The following CDH13 variants were observed in gnomAD, a reference collection of about 807,000 sequenced individuals.
The protein encoded by CDH13 is cadherin-13.
CDH13 carries 24 observed loss-of-function variants against 63.8 expected under a neutral mutation model. The observed-to-expected ratio is 0.38, with a 90% confidence interval of 0.27 to 0.53. The LOEUF (loss-of-function observed/expected upper bound fraction) is 0.53, where lower values mean the gene tolerates loss of function less well. Ranked by LOEUF, CDH13 falls within the 20% of genes least tolerant of loss-of-function variation. CDH13 has a pLI of 0.85. For missense variants in CDH13, 1,049 were observed against 903.1 expected (o/e 1.16, Z -2.07); for synonymous variants, 503 against 355.3 (o/e 1.42, Z -4.67).
At chr16:83,511,484 C>G (rs2074564715) in intron 7 of CDH13, among the ~76,000 whole-genome samples, 1 of 151,620 alleles carries the variant, frequency 6.6e-6, no homozygotes, top group African/African-American at 2.4e-5. Context: ...AAGTTTCATA[C>G]TTTCACTCAC....
intron 3 of CDH13, among the ~76,000 whole-genome samples, chr16:83,094,818 T>C (rs2034113979): frequency 6.6e-6 from 1 of 152,224 alleles, no homozygotes; most frequent in Admixed American, 6.5e-5. Context: ...TACGCAATTT[T>C]TTCCTCTATG....
chr16:83,000,220 C>CTTTTTTTTTTTTTTTTTTTTTTTTTTTTT (rs1567731430), intron 2 of CDH13, among the ~76,000 whole-genome samples: 1 of 33,948 alleles, frequency 2.9e-5, no homozygotes, highest in African/African-American at 1.0e-4. Context: ...ACAGGTTTAG[C>CTTTTTTTTTTTTTTTTTTTTTTTTTTTTT]TTATTTTTTT....
In CDH13 at chr16:82,627,143, G is replaced by A. The variant is rs751851033; in HGVS notation, c.45+6G>A. On this transcript the variant is annotated splice_donor_region_variant and intron_variant, in intron 1 of 13. Transcript: ENST00000567109. Reference sequence around the variant, plus strand: ...TGTGCGTTCTCCTGTCCCAGGTAGGGAAGAGGGGCTGCCGGGCGCGCTCTG... The same window carrying A: ...TGTGCGTTCTCCTGTCCCAGGTAGGAAAGAGGGGCTGCCGGGCGCGCTCTG... 1.3e-5 allele frequency: 21 copies of A among 1,605,156 alleles called. No individual in the cohort carries two copies. The highest frequency in any genetic ancestry group is 8.9e-5 in the South Asian group (8 of 89,402).
rs565713701 is a variant in CDH13, at chr16:83,632,205, C to T, written c.1101+29611C>T. Among the ~76,000 whole-genome samples the T allele has an allele frequency of 1.2e-4, 18 of 151,366 alleles. No homozygotes were observed. In the South Asian group the frequency reaches 3.4e-3, roughly 28 times the overall value. ...TGACTAGAAGGGCTGTTTTTATTTCCCTGAATCCCAGTTCTGTTTCTGAGT... is the reference window on the plus strand; with the variant it reads ...TGACTAGAAGGGCTGTTTTTATTTCTCTGAATCCCAGTTCTGTTTCTGAGT... On this transcript the variant is annotated intron_variant, in intron 8 of 13. Transcript: ENST00000567109.
intron 5 of CDH13, among the ~76,000 whole-genome samples, chr16:83,300,141 G>C (rs1427366973): frequency 6.6e-6 from 1 of 152,172 alleles, no homozygotes; most frequent in Non-Finnish European, 1.5e-5. Flanking sequence ...AGGAAGCTGG[G>C]ATCATTAAAG....
intron 7 of CDH13, among the ~76,000 whole-genome samples, chr16:83,488,719 G>T (rs997775401): frequency 6.6e-6 from 1 of 152,086 alleles, no homozygotes; most frequent in Non-Finnish European, 1.5e-5. Flanking sequence ...CCACTTCCCA[G>T]GTTGAAGCAA....
Position 83,164,103 on chromosome 16 carries a change from C to G in CDH13, c.483+38602C>G, listed in dbSNP as rs776337692. 7.9e-5 allele frequency among the ~76,000 whole-genome samples: 12 copies of G among 152,094 alleles called. 1 individual carries two copies. The highest frequency in any genetic ancestry group is 1.3e-4 in the Non-Finnish European group (9 of 68,020). On this transcript the variant is annotated intron_variant, in intron 4 of 13. Coordinates refer to ENST00000567109, the MANE Select transcript of CDH13 (RefSeq NM_001257.5). ...GGGAAAAAAATGAAAACCCAGCAGC[C>G]TGACTCCAAAGCCCGTGTGCTTATC...
At chr16:83,484,693 CA>C (rs2073847561) in intron 6 of CDH13, among the ~76,000 whole-genome samples, 1 of 152,224 alleles carries the variant, frequency 6.6e-6, no homozygotes, top group African/African-American at 2.4e-5. Flanking sequence ...CCACCATTAC[CA>C]GGGAGAAGTT....
At chr16:83,210,802 A>G (rs1230605355) in intron 4 of CDH13, among the ~76,000 whole-genome samples, 2 of 151,880 alleles carry the variant, frequency 1.3e-5, no homozygotes, top group Non-Finnish European at 2.9e-5. Flanking sequence ...GAAACGCCAC[A>G]GTCACACATG....
chr16:83,578,163 T>G (rs1277039543), intron 7 of CDH13, among the ~76,000 whole-genome samples: 2 of 152,230 alleles, frequency 1.3e-5, no homozygotes, highest in African/African-American at 2.4e-5. Flanking sequence ...CAGAGTATTA[T>G]GAGTTTGTTT....
chr16:82,804,571 C>T (rs138248575), intron 1 of CDH13, among the ~76,000 whole-genome samples: 6 of 152,290 alleles, frequency 3.9e-5, no homozygotes, highest in African/African-American at 1.4e-4. Context: ...TGAACATCTT[C>T]CTCATTTTCC....
At chr16:82,864,612 AC>A (rs1333574556) in intron 2 of CDH13, among the ~76,000 whole-genome samples, 1 of 152,054 alleles carries the variant, frequency 6.6e-6, no homozygotes, top group Non-Finnish European at 1.5e-5. Flanking sequence ...TAATTCAGTT[AC>A]CTCCAGCTGG....
intron 1 of CDH13, among the ~76,000 whole-genome samples, chr16:82,709,739 A>T (rs561906214): frequency 6.6e-6 from 1 of 152,182 alleles, no homozygotes; most frequent in Non-Finnish European, 1.5e-5. Context: ...GGTAAAGAGG[A>T]TGCAGGAGCT....
chr16:83,023,694 G>T (rs1283227744), intron 2 of CDH13, among the ~76,000 whole-genome samples: 1 of 152,102 alleles, frequency 6.6e-6, no homozygotes, highest in Non-Finnish European at 1.5e-5. Context: ...TTCACATATG[G>T]TCTTGATATC....
At chr16:83,453,972 A>G (rs1189868080) in intron 6 of CDH13, among the ~76,000 whole-genome samples, 1 of 151,946 alleles carries the variant, frequency 6.6e-6, no homozygotes, top group East Asian at 1.9e-4. Context: ...GCACGCAGGC[A>G]CCCTCTGAAG....
chr16:83,791,740 G>T (rs1183599595), intron 13 of CDH13, among the ~76,000 whole-genome samples: 2 of 145,416 alleles, frequency 1.4e-5, no homozygotes, highest in African/African-American at 5.0e-5. Context: ...GAACCCAGGA[G>T]TTGGAGGTTG....
intron 5 of CDH13, among the ~76,000 whole-genome samples, chr16:83,271,699 G>C (rs2088823699): frequency 6.6e-6 from 1 of 151,970 alleles, no homozygotes; most frequent in Admixed American, 6.6e-5. Context: ...ATTATTTATA[G>C]AAACCTTTCT....
intron 5 of CDH13, among the ~76,000 whole-genome samples, chr16:83,267,153 C>T (rs1013121721): frequency 6.6e-6 from 1 of 152,174 alleles, no homozygotes; most frequent in East Asian, 1.9e-4. Context: ...AGAATGCCTT[C>T]AGAAGCAAGT....
intron 3 of CDH13, among the ~76,000 whole-genome samples, chr16:83,120,763 C>CTTTTTTGTTT: frequency 1.7e-5 from 1 of 60,226 alleles, no homozygotes; most frequent in Non-Finnish European, 3.6e-5. Context: ...AATTTTCTTT[C>CTTTTTTGTTT]TTTTTTTTTT....
Sources: gnomAD v4.1 joint callset for allele counts (sites outside exome capture counted in the v4.1 genomes callset) on GRCh38, gnomAD v4.1.1 for gene constraint, MANE v1.5 for transcripts, NCBI Gene and HGNC (gene_info 2026-07-23, HGNC 2026-07-21) for gene names.